KLF12: variants seen among roughly 807,000 people sequenced by gnomAD.
KLF12 encodes KLF transcription factor 12.
A neutral mutation model predicts 37.8 loss-of-function variants in KLF12; 9 were observed. The observed-to-expected ratio is 0.24, with a 90% CI of 0.14 to 0.42. The LOEUF is 0.42. KLF12 is among the 10% of genes least tolerant of loss of function. The pLI is 1.00. For synonymous variants in KLF12, 208 were observed against 202.1 expected (o/e 1.03, Z -0.25); for missense variants, 411 against 516.0 (o/e 0.80, Z 1.97).
chr13:74,285,575 G>A, the KLF12 span, among the ~76,000 whole-genome samples: 1 of 152,070 alleles, frequency 6.6e-6, no homozygotes, highest in Non-Finnish European at 1.5e-5. Context: ...AGAAAACATA[G>A]GATTATTTGC....
At chr13:74,152,986 G>T in the KLF12 span, among the ~76,000 whole-genome samples, 3 of 151,562 alleles carry the variant, frequency 2.0e-5, no homozygotes, top group Non-Finnish European at 2.9e-5. Context: ...ATAAATGTCA[G>T]ATAAATGTAG....
intron 3 of KLF12, among the ~76,000 whole-genome samples, chr13:73,852,938 C>T (rs1885410966): frequency 6.8e-6 from 1 of 148,054 alleles, no homozygotes; most frequent in African/African-American, 2.5e-5. Context: ...GGCGCGATCT[C>T]AGCTCATTGC....
At chr13:74,152,865 C>T in the KLF12 span, among the ~76,000 whole-genome samples, 1 of 148,656 alleles carries the variant, frequency 6.7e-6, no homozygotes, top group Non-Finnish European at 1.5e-5. Flanking sequence ...GCCTGGGTGA[C>T]AGAGTGAGAC....
chr13:73,985,695 A>T (rs1296869387), intron 2 of KLF12, among the ~76,000 whole-genome samples: 3 of 152,206 alleles, frequency 2.0e-5, no homozygotes. Context: ...TAAAGGAGTC[A>T]TCCCTGAGAT....
the KLF12 span, among the ~76,000 whole-genome samples, chr13:74,264,807 A>G: frequency 3.9e-5 from 6 of 152,230 alleles, no homozygotes; most frequent in African/African-American, 1.4e-4. Flanking sequence ...TGTATAATAA[A>G]ATACCTAGGG....
the KLF12 span, among the ~76,000 whole-genome samples, chr13:74,221,841 CTG>C: frequency 6.6e-6 from 1 of 152,188 alleles, no homozygotes; most frequent in African/African-American, 2.4e-5. Context: ...AAAGTCTACT[CTG>C]TGTGAGGACC....
At chr13:73,888,665 C>G (rs111490662) in intron 3 of KLF12, among the ~76,000 whole-genome samples, 1,569 of 152,242 alleles carry the variant, frequency 0.01, 22 homozygotes, top group African/African-American at 0.036. Context: ...CTTATTGGGA[C>G]TGTCACAAAA....
chr13:74,223,011 A>C, the KLF12 span, among the ~76,000 whole-genome samples: 1 of 152,284 alleles, frequency 6.6e-6, no homozygotes, highest in East Asian at 1.9e-4. Flanking sequence ...TTTAAAAAAC[A>C]AAGTACTTTG....
intron 1 of KLF12, among the ~76,000 whole-genome samples, chr13:74,074,708 T>TTGTACAGATTA (rs1412288450): frequency 6.6e-6 from 1 of 152,178 alleles, no homozygotes; most frequent in Non-Finnish European, 1.5e-5. Flanking sequence ...TGGGGGTTTG[T>TTGTACAGATTA]TGTACAGATT....
intron 6 of KLF12, among the ~76,000 whole-genome samples, chr13:73,748,579 C>T (rs1157564473): frequency 6.6e-6 from 1 of 152,130 alleles, no homozygotes; most frequent in African/African-American, 2.4e-5. Flanking sequence ...AGAAAGCCTT[C>T]CCCGGGAACT....
intron 1 of KLF12, among the ~76,000 whole-genome samples, chr13:74,022,163 G>A (rs1892858097): frequency 6.6e-6 from 1 of 151,950 alleles, no homozygotes; most frequent in Non-Finnish European, 1.5e-5. Flanking sequence ...CAGCATCAGA[G>A]GTATTAACAA....
intron 1 of KLF12, among the ~76,000 whole-genome samples, chr13:74,058,485 A>T (rs1345227220): frequency 2.0e-5 from 3 of 149,830 alleles, no homozygotes; most frequent in African/African-American, 7.4e-5. Flanking sequence ...CCTCCCGAGT[A>T]GCTGGGACTA....
intron 6 of KLF12, among the ~76,000 whole-genome samples, chr13:73,726,011 G>C (rs1876638593): frequency 1.3e-5 from 2 of 152,060 alleles, no homozygotes; most frequent in South Asian, 4.1e-4. Flanking sequence ...TGGGGTTACA[G>C]GCATGTGCCA....
At chr13:73,833,014 T>C (rs1381317053) in intron 4 of KLF12, among the ~76,000 whole-genome samples, 1 of 152,204 alleles carries the variant, frequency 6.6e-6, no homozygotes, top group Non-Finnish European at 1.5e-5. Flanking sequence ...GGATTACTCA[T>C]ACTCCACAGT....
chr13:73,752,998 C>T (rs921489329), intron 6 of KLF12, among the ~76,000 whole-genome samples: 19 of 151,880 alleles, frequency 1.3e-4, no homozygotes, highest in East Asian at 9.7e-4. Flanking sequence ...GTGATCGACC[C>T]GCCTTGGCCT....
chr13:74,262,802 A>T, the KLF12 span, among the ~76,000 whole-genome samples: 1 of 152,088 alleles, frequency 6.6e-6, no homozygotes, highest in Non-Finnish European at 1.5e-5. Flanking sequence ...TCAGAATAAT[A>T]GTATATATAT....
intron 1 of KLF12, among the ~76,000 whole-genome samples, chr13:74,078,941 A>C (rs1463644143): frequency 6.6e-6 from 1 of 152,192 alleles, no homozygotes; most frequent in Non-Finnish European, 1.5e-5. Context: ...TCTATCCATT[A>C]AACTATTAGA....
At chr13:73,715,228 A>G in intron 7 of KLF12, 140 bp downstream of exon 7, 1 of 603,736 alleles carries the variant, frequency 1.7e-6, no homozygotes, top group Non-Finnish European at 2.8e-6. Flanking sequence ...CAAGAGAGAG[A>G]GAATACATTC....
At chr13:73,759,470 G>A (rs997200256) in intron 6 of KLF12, among the ~76,000 whole-genome samples, 7 of 152,156 alleles carry the variant, frequency 4.6e-5, no homozygotes, top group Non-Finnish European at 8.8e-5. Flanking sequence ...ACTGGTGTGA[G>A]GAGCAACGTC....
Sources: allele counts gnomAD v4.1 joint callset (sites outside exome capture counted in the v4.1 genomes callset), GRCh38; gene constraint gnomAD v4.1.1; transcripts MANE v1.5; gene names NCBI Gene and HGNC (gene_info 2026-07-23, HGNC 2026-07-21).